KIFC3: variants seen among roughly 807,000 people sequenced by gnomAD.
The protein encoded by KIFC3 is kinesin-like protein KIFC3.
KIFC3 carries 60 observed loss-of-function variants against 101.8 expected under a neutral mutation model. That is an observed-to-expected ratio of 0.59 (90% confidence interval 0.48 to 0.73). The LOEUF is 0.73. Ranked by LOEUF, KIFC3 falls within the 30% of genes least tolerant of loss-of-function variation. The pLI is 0.00. For synonymous variants in KIFC3, 476 were observed against 482.7 expected (o/e 0.99, Z 0.18); for missense variants, 966 against 1,137.1 (o/e 0.85, Z 2.16).
chr16:57,761,549 G>A lies in KIFC3; in HGVS notation c.1749-13C>T. On this transcript the variant is annotated splice_polypyrimidine_tract_variant and intron_variant, in intron 13 of 19. Transcript: ENST00000445690. The stretch of plus-strand genomic sequence containing the variant: ...CCCTAGCAGGTCCCTGGAGGGGCAG[G>A]TGAGACAGTCACCCCCTCCTCCCAT... The A allele has an allele frequency of 6.2e-7, 1 of 1,610,648 alleles. No individual in the cohort carries two copies.
At chr16:57,773,318 C>T (rs2051533163) in intron 3 of KIFC3, among the ~76,000 whole-genome samples, 1 of 152,180 alleles carries the variant, frequency 6.6e-6, no homozygotes, top group South Asian at 2.1e-4. Context: ...CCAGGTAAGG[C>T]AGGTGAGGGG....
intron 2 of KIFC3, chr16:57,797,847 A>G: frequency 6.9e-7 from 1 of 1,444,710 alleles, no homozygotes; most frequent in Non-Finnish European, 9.1e-7. Context: ...TTAAAGTTTA[A>G]CCCGGCTTCC....
chr16:57,767,469 T>A (rs1567956894), intron 9 of KIFC3, among the ~76,000 whole-genome samples: 1 of 152,168 alleles, frequency 6.6e-6, no homozygotes, highest in Admixed American at 6.5e-5. Flanking sequence ...ACATACAGTA[T>A]CACACTGTAC....
At chr16:57,820,900 C>T (rs1428234198) in intron 1 of KIFC3, among the ~76,000 whole-genome samples, 1 of 152,012 alleles carries the variant, frequency 6.6e-6, no homozygotes, top group African/African-American at 2.4e-5. Context: ...GCAGCAGTAT[C>T]ACTTGAGCCC....
At chr16:57,816,353 C>A (rs1598198997) in intron 1 of KIFC3, 1 of 943,446 alleles carries the variant, frequency 1.1e-6, no homozygotes, top group Non-Finnish European at 1.5e-6. Context: ...GGGGCCTGCC[C>A]CTCCTGGCTT....
intron 9 of KIFC3, among the ~76,000 whole-genome samples, chr16:57,768,811 G>C (rs1366582981): frequency 6.6e-6 from 1 of 152,166 alleles, no homozygotes; most frequent in South Asian, 2.1e-4. Context: ...CACTTAAGAG[G>C]CACTGGTTAT....
Position 57,855,813 on chromosome 16 carries a change from GCA to G in KIFC3, c.108+6914_108+6915del, listed in dbSNP as rs550484359. 1.1e-4 allele frequency among the ~76,000 whole-genome samples: 17 copies of G among 151,730 alleles called. No individual in the cohort carries two copies. In the South Asian group the frequency reaches 3.1e-3, roughly 28 times the overall value. On this transcript the variant is annotated intron_variant, in intron 1 of 2. Transcript: ENST00000563028. Reference sequence around the variant, plus strand: ...ATACAAAAATTAGCTCAGCGTGGTGGCACACACCTATAGTCCCAGCTACTAGG... The same window carrying G: ...ATACAAAAATTAGCTCAGCGTGGTGGCACACCTATAGTCCCAGCTACTAGG...
chr16:57,781,351 T>A (rs980304769), intron 3 of KIFC3, among the ~76,000 whole-genome samples: 1 of 152,178 alleles, frequency 6.6e-6, no homozygotes, highest in Non-Finnish European at 1.5e-5. Flanking sequence ...CTGGGCAGCA[T>A]GTCACATTAT....
intron 14 of KIFC3, 64 bp downstream of exon 14, chr16:57,761,349 C>T (rs2049829322): frequency 8.1e-6 from 13 of 1,606,632 alleles, no homozygotes; most frequent in Non-Finnish European, 1.1e-5. Flanking sequence ...GCAGAGCCTA[C>T]ATTCAAACCC....
intron 3 of KIFC3, among the ~76,000 whole-genome samples, chr16:57,781,318 AT>A (rs2052709044): frequency 6.6e-6 from 1 of 152,186 alleles, no homozygotes; most frequent in South Asian, 2.1e-4. Flanking sequence ...CTGCCTCAAA[AT>A]AAAAAAGGAG....
In KIFC3 at chr16:57,770,539, C is replaced by T. The variant is rs782409430; in HGVS notation, c.927G>A (p.Arg309=). ...QLQSSHQLTA[R]LRAQIAMYES... is the part of the protein sequence containing the mutation. ...ACAGCCTGGGTACCTGCGCCCGGAG[C>T]CGCGCGGTCAGCTGGTGTGAGCTCT... The change falls in exon 7 of 20, where the codon CGG becomes CGA. Residue 309 remains arginine (R), a synonymous_variant. Transcript: ENST00000445690. The T allele has an allele frequency of 1.0e-5, 15 of 1,450,376 alleles. No homozygotes were observed. The highest frequency in any genetic ancestry group is 7.3e-5 in the African/African-American group (5 of 68,526). The allele number at this position is 1,450,376 out of a possible 1,614,324, so 89.8% of individuals were successfully genotyped here. A position where few individuals can be genotyped will look rare whatever the true frequency, so the allele number is the denominator to read the frequency against.
At chr16:57,852,304 T>C (rs559940163) in intron 1 of KIFC3, among the ~76,000 whole-genome samples, 2 of 152,012 alleles carry the variant, frequency 1.3e-5, no homozygotes, top group Non-Finnish European at 2.9e-5. Flanking sequence ...GTCCTCATTG[T>C]CAGTTTTATT....
rs1568047538 is a variant in KIFC3, at chr16:57,795,877, C to CT, written c.173-737dup. 6.7e-3 allele frequency among the ~76,000 whole-genome samples: 545 copies of CT among 81,062 alleles called. 18 individuals carry two copies. The highest frequency in any genetic ancestry group is 0.018 in the African/African-American group (501 of 28,116). 53.2% of individuals were successfully genotyped at this position (81,062 alleles called of 152,430 possible). Reference sequence around the variant, plus strand: ...CTTACACACATTCTGTTTTTTTGGGCTTTTTTGTTTTTTTTTTTTTTTTTT... The same window carrying CT: ...CTTACACACATTCTGTTTTTTTGGGCTTTTTTTGTTTTTTTTTTTTTTTTTT... On this transcript the variant is annotated intron_variant, in intron 2 of 19. Transcript: ENST00000445690.
chr16:57,832,521 G>A (rs1555479582), intron 1 of KIFC3, among the ~76,000 whole-genome samples: 1 of 151,424 alleles, frequency 6.6e-6, no homozygotes, highest in Non-Finnish European at 1.5e-5. Flanking sequence ...CACCATGTTG[G>A]CTAGGCTGGT....
At chr16:57,826,562 C>T (rs527535737) in intron 1 of KIFC3, among the ~76,000 whole-genome samples, 143 of 152,212 alleles carry the variant, frequency 9.4e-4, no homozygotes, top group African/African-American at 3.1e-3. Flanking sequence ...AGTTCTTTCT[C>T]GAGAAACAAA....
chr16:57,841,988 G>A (rs1465721396), intron 1 of KIFC3, among the ~76,000 whole-genome samples: 1 of 150,640 alleles, frequency 6.6e-6, no homozygotes, highest in African/African-American at 2.4e-5. Context: ...GGCCTTCCCT[G>A]ACCATCCCCA....
chr16:57,815,657 G>GCA, intron 1 of KIFC3: 1 of 1,289,424 alleles, frequency 7.8e-7, no homozygotes, highest in Non-Finnish European at 1.0e-6. Context: ...TAAGTGAAGT[G>GCA]GGTATTCCTG....
chr16:57,760,316 T>G lies in KIFC3; in HGVS notation c.2333A>C (p.Glu778Ala). 1 of 1,613,784 alleles carries G rather than the reference T, an allele frequency of 6.2e-7. No individual in the cohort carries two copies. The highest frequency in any genetic ancestry group is 8.5e-7 in the Non-Finnish European group (1 of 1,179,908). Residue 778 changes from glutamate to alanine, a missense_variant, in exon 17 of 20, where the codon GAG becomes GCG. By Grantham distance (107) the Glu-to-Ala change is moderately radical. Around this residue, in one of 2 missense-constraint regions of KIFC3, gnomAD observed 689 missense variants for 884.6 expected, o/e 0.78. Coordinates refer to ENST00000445690, the MANE Select transcript of KIFC3 (RefSeq NM_001130100.2). ...VELGPGLRRA[E>A]LGSWSSQEHL... is the part of the protein sequence containing the mutation. ...CTCCTGGCTTGACCAGGACCCAAGCTCTGCCCTGCGTAGCCCAGGCCCCAG... is the reference window on the plus strand; with the variant it reads ...CTCCTGGCTTGACCAGGACCCAAGCGCTGCCCTGCGTAGCCCAGGCCCCAG...
chr16:57,806,902 T>C (rs149091743), upstream of KIFC3, among the ~76,000 whole-genome samples: 64 of 152,304 alleles, frequency 4.2e-4, no homozygotes, highest in Non-Finnish European at 8.4e-4. Flanking sequence ...TCTGAAATCA[T>C]TCATCATGAG....
Sources: gnomAD v4.1 joint callset for allele counts (sites outside exome capture counted in the v4.1 genomes callset) on GRCh38, gnomAD v4.1.1 for gene constraint, gnomAD v4.1.1 regional missense constraint, MANE v1.5 for transcripts, NCBI Gene and HGNC (gene_info 2026-07-23, HGNC 2026-07-21) for gene names.